The following WWTR1 variants were observed in gnomAD, a reference collection of about 807,000 sequenced individuals.
The protein encoded by WWTR1 is WW domain-containing transcription regulator protein 1.
A neutral mutation model predicts 40.1 loss-of-function variants in WWTR1; 13 were observed. The observed-to-expected ratio is 0.32, with a 90% confidence interval of 0.21 to 0.52. The LOEUF is 0.52. Among genes scored for constraint, WWTR1 ranks in the 20% least tolerant of loss-of-function variants. WWTR1 has a pLI of 0.97. For missense variants in WWTR1, 436 were observed against 523.1 expected, an observed-to-expected ratio of 0.83 and a Z score of 1.63; for synonymous variants, 230 against 210.1, an observed-to-expected ratio of 1.09 and a Z score of -0.82.
At chr3:149,626,380 T>C (rs919534801) in intron 2 of WWTR1, among the ~76,000 whole-genome samples, 2 of 152,140 alleles carry the variant, frequency 1.3e-5, no homozygotes, top group South Asian at 2.1e-4. Flanking sequence ...ATATTTCCTA[T>C]GGGTTTTCCT....
intron 5 of WWTR1, among the ~76,000 whole-genome samples, chr3:149,710,722 G>C (rs1360587560): frequency 1.3e-5 from 2 of 151,264 alleles, no homozygotes; most frequent in African/African-American, 4.9e-5. Flanking sequence ...TAGGATTATA[G>C]GTGCACGCCA....
chr3:149,635,854 A>G (rs1429480407), intron 2 of WWTR1, among the ~76,000 whole-genome samples: 2 of 152,218 alleles, frequency 1.3e-5, no homozygotes, highest in Non-Finnish European at 2.9e-5. Context: ...AAAAAAGGCA[A>G]TGTTGAATAT....
At chr3:149,713,555 A>G (rs1255263219) in intron 5 of WWTR1, among the ~76,000 whole-genome samples, 1 of 151,814 alleles carries the variant, frequency 6.6e-6, no homozygotes, top group Admixed American at 6.6e-5. Flanking sequence ...TAATTTTTGT[A>G]TTTTTAGTAG....
intron 1 of WWTR1, among the ~76,000 whole-genome samples, chr3:149,700,598 T>A (rs754481688): frequency 2.6e-5 from 4 of 151,866 alleles, no homozygotes; most frequent in Admixed American, 6.6e-5. Context: ...GACAAAAAAA[T>A]TAAATTAAAT....
At chr3:149,689,390 A>C (rs1395493648) in intron 1 of WWTR1, among the ~76,000 whole-genome samples, 2 of 144,350 alleles carry the variant, frequency 1.4e-5, no homozygotes, top group African/African-American at 2.5e-5. Context: ...CAAAAAAAAA[A>C]AAAAAAAAAA....
Position 149,656,996 on chromosome 3 carries a change from C to G in WWTR1, c.311G>C (p.Gly104Ala), listed in dbSNP as rs201754525. ...LQLGTGAGAAGSPAQQHAHLR... is the reference protein window; with the variant it reads ...LQLGTGAGAAASPAQQHAHLR... ...GTGCGCGTGCTGCTGCGCGGGGCTA[C>G]CCGCAGCACCCGCGCCGGTGCCCAG... Residue 104 changes from glycine to alanine, a missense_variant, in exon 2 of 7, where the codon GGT becomes GCT. Coordinates refer to ENST00000360632, the MANE Select transcript of WWTR1 (RefSeq NM_015472.6). 30 of 1,597,684 alleles carry G rather than the reference C, an allele frequency of 1.9e-5. No individual in the cohort carries two copies. Among genetic ancestry groups the G allele is most frequent in the Middle Eastern group, 3.4e-4 (2 of 5,886 alleles).
chr3:149,656,237 G>T (rs1256745966), intron 2 of WWTR1, among the ~76,000 whole-genome samples: 1 of 152,160 alleles, frequency 6.6e-6, no homozygotes, highest in Non-Finnish European at 1.5e-5. Flanking sequence ...GGTATTTTAG[G>T]TTAACAAGTT....
intron 3 of WWTR1, among the ~76,000 whole-genome samples, chr3:149,548,613 C>T (rs989249187): frequency 9.2e-5 from 14 of 152,210 alleles, no homozygotes; most frequent in South Asian, 6.2e-4. Context: ...GAACAGCTGG[C>T]GCCCAGTGGC....
chr3:149,689,030 C>A (rs1413900880), intron 1 of WWTR1, among the ~76,000 whole-genome samples: 1 of 152,158 alleles, frequency 6.6e-6, no homozygotes, highest in Non-Finnish European at 1.5e-5. Context: ...AGTCTCTCTA[C>A]AGCAGAATGG....
chr3:149,559,293 C>CAAAAAAAAAAAAAAAAAAAAAAAAAA (rs57470539), intron 3 of WWTR1, among the ~76,000 whole-genome samples: 6 of 58,086 alleles, frequency 1.0e-4, no homozygotes, highest in Admixed American at 2.2e-4. Context: ...GACTCCATCT[C>CAAAAAAAAAAAAAAAAAAAAAAAAAA]AAAAAAAAAA....
chr3:149,583,318 A>AT (rs1338107994), intron 2 of WWTR1, among the ~76,000 whole-genome samples: 2 of 152,132 alleles, frequency 1.3e-5, no homozygotes, highest in Non-Finnish European at 2.9e-5. Flanking sequence ...GTATTCATCC[A>AT]TTTTTTCATT....
chr3:149,597,259 C>A (rs1739038281), intron 2 of WWTR1, among the ~76,000 whole-genome samples: 1 of 151,984 alleles, frequency 6.6e-6, no homozygotes, highest in Non-Finnish European at 1.5e-5. Flanking sequence ...CTATTCCATG[C>A]TCATACTCTT....
chr3:149,655,486 G>A (rs1253898090), intron 2 of WWTR1, among the ~76,000 whole-genome samples: 1 of 152,118 alleles, frequency 6.6e-6, no homozygotes, highest in Non-Finnish European at 1.5e-5. Context: ...CAAAAGTCAT[G>A]TTATTACATC....
intron 2 of WWTR1, among the ~76,000 whole-genome samples, chr3:149,594,204 A>G (rs1031003398): frequency 6.6e-6 from 1 of 152,254 alleles, no homozygotes; most frequent in Non-Finnish European, 1.5e-5. Context: ...TCCATATAGC[A>G]GAAGCCTAAG....
At chr3:149,623,705 C>T (rs1250550578) in intron 2 of WWTR1, among the ~76,000 whole-genome samples, 1 of 152,156 alleles carries the variant, frequency 6.6e-6, no homozygotes, top group African/African-American at 2.4e-5. Flanking sequence ...TATGTAATTG[C>T]TTTCAGGGCT....
chr3:149,576,289 ATTG>A, intron 2 of WWTR1: 1 of 349,524 alleles, frequency 2.9e-6, no homozygotes, highest in East Asian at 7.4e-5. Context: ...AAATTCTCCT[ATTG>A]TTCTAATCAC....
chr3:149,679,773 A>G (rs1714394311), intron 1 of WWTR1, among the ~76,000 whole-genome samples: 1 of 152,188 alleles, frequency 6.6e-6, no homozygotes, highest in Non-Finnish European at 1.5e-5. Context: ...TCTCAGGTGG[A>G]ATAATGATAT....
chr3:149,585,121 C>CGTGTGTGTGTGTGTGTGTGTGTGT (rs61655468), intron 2 of WWTR1, among the ~76,000 whole-genome samples: 7 of 144,414 alleles, frequency 4.8e-5, no homozygotes, highest in East Asian at 4.3e-4. Flanking sequence ...TGATTTCTTT[C>CGTGTGTGTGTGTGTGTGTGTGTGT]GTGTGTGTGT....
chr3:149,536,222 C>T (rs1266318453), intron 4 of WWTR1, among the ~76,000 whole-genome samples: 1 of 152,048 alleles, frequency 6.6e-6, no homozygotes, highest in Non-Finnish European at 1.5e-5. Flanking sequence ...ATTTGTAAAA[C>T]AAATATATGA....
Sources: allele counts gnomAD v4.1 joint callset (sites outside exome capture counted in the v4.1 genomes callset), GRCh38; gene constraint gnomAD v4.1.1; transcripts MANE v1.5; gene names NCBI Gene and HGNC (gene_info 2026-07-23, HGNC 2026-07-21).